TP63: variants seen among roughly 807,000 people sequenced by gnomAD.
The protein encoded by TP63 is tumor protein 63.
Under a neutral mutation model 82.8 loss-of-function variants are expected in TP63, and 17 were observed. The ratio of observed to expected loss-of-function variants is 0.21; its 90% CI spans 0.14 to 0.31. TP63 has a LOEUF of 0.31. Among genes scored for constraint, TP63 ranks in the 10% least tolerant of loss-of-function variants. TP63 has a pLI of 1.00. For synonymous variants in TP63, 330 were observed against 321.7 expected, an observed-to-expected ratio of 1.03 and a Z score of -0.28; for missense variants, 648 against 895.3, an observed-to-expected ratio of 0.72 and a Z score of 3.52.
At chr3:189,639,469 G>T (rs1427866990) in intron 1 of TP63, among the ~76,000 whole-genome samples, 1 of 152,044 alleles carries the variant, frequency 6.6e-6, no homozygotes, top group African/African-American at 2.4e-5. Context: ...CTATCTTATG[G>T]TGAATTAGAT....
intron 5 of TP63, among the ~76,000 whole-genome samples, chr3:189,866,235 A>G (rs1163905657): frequency 1.3e-5 from 2 of 152,214 alleles, no homozygotes; most frequent in African/African-American, 2.4e-5. Context: ...AGTGGAAGTC[A>G]TATCCTTGCT....
chr3:189,643,254 G>A (rs913405325), intron 1 of TP63, among the ~76,000 whole-genome samples: 1 of 152,080 alleles, frequency 6.6e-6, no homozygotes, highest in Admixed American at 6.5e-5. Flanking sequence ...GCCCGCCTCA[G>A]CCTCTCAAAG....
At chr3:189,864,172 G>A (rs1414232681) in intron 4 of TP63, 60 bp from the exon 5 acceptor site, 40 of 1,603,836 alleles carry the variant, frequency 2.5e-5, no homozygotes, top group Non-Finnish European at 3.2e-5. Context: ...GATTTGGAAT[G>A]TAACAATATC....
Position 189,816,209 on chromosome 3 carries a change from G to A in TP63, c.579+7683G>A, listed in dbSNP as rs577281381. Among the ~76,000 whole-genome samples the A allele has an allele frequency of 5.3e-5, 8 of 152,288 alleles. No individual in the cohort carries two copies. The South Asian group carries it at 1.7e-3, about 32-fold the overall frequency. ...GAACAAAAATCATCTGATAATTGAA[G>A]TATAAAGAGAAAATAATGTCATAAG... is the stretch of plus-strand genomic sequence containing the variant. On this transcript the variant is annotated intron_variant, in intron 4 of 13. Transcript: ENST00000264731.
intron 1 of TP63, among the ~76,000 whole-genome samples, chr3:189,674,339 A>T (rs1350903728): frequency 1.3e-5 from 2 of 152,104 alleles, no homozygotes; most frequent in Non-Finnish European, 2.9e-5. Flanking sequence ...GTTTGGGATG[A>T]TGTTCTTAAA....
intron 4 of TP63, among the ~76,000 whole-genome samples, chr3:189,829,710 A>C (rs921941918): frequency 6.6e-6 from 1 of 152,220 alleles, no homozygotes; most frequent in Non-Finnish European, 1.5e-5. Context: ...ATAAAAATTT[A>C]CTTCACTTCT....
chr3:189,661,192 G>T (rs894906415), intron 1 of TP63, among the ~76,000 whole-genome samples: 2 of 151,966 alleles, frequency 1.3e-5, no homozygotes, highest in African/African-American at 4.8e-5. Flanking sequence ...CACTCAGTAT[G>T]ATGTTGGCTG....
At chr3:189,787,521 T>C (rs543110126) in intron 3 of TP63, among the ~76,000 whole-genome samples, 1 of 151,348 alleles carries the variant, frequency 6.6e-6, no homozygotes, top group East Asian at 2.0e-4. Context: ...AGAATCTTTG[T>C]AGATATGTTA....
intron 3 of TP63, among the ~76,000 whole-genome samples, chr3:189,753,482 T>C (rs2108525707): frequency 6.6e-6 from 1 of 152,148 alleles, no homozygotes; most frequent in East Asian, 1.9e-4. Flanking sequence ...AGCTTTCTTT[T>C]GATTTATGTT....
At chr3:189,848,451 T>C (rs1715219376) in intron 4 of TP63, among the ~76,000 whole-genome samples, 1 of 151,816 alleles carries the variant, frequency 6.6e-6, no homozygotes, top group African/African-American at 2.4e-5. Flanking sequence ...ATTCTTGGGT[T>C]CAAGCAATAC....
chr3:189,692,415 CT>C (rs1717006901), intron 1 of TP63, among the ~76,000 whole-genome samples: 1 of 150,312 alleles, frequency 6.7e-6, no homozygotes, highest in African/African-American at 2.5e-5. Flanking sequence ...TTTCTTCTTC[CT>C]CTCTTCTCCT....
intron 1 of TP63, among the ~76,000 whole-genome samples, chr3:189,731,779 T>A (rs549527782): frequency 3.4e-4 from 51 of 152,238 alleles, no homozygotes; most frequent in Non-Finnish European, 8.8e-5. Flanking sequence ...TATCTTTAGG[T>A]GTGACTGACT....
At chr3:189,891,544 C>T (rs1290533632) in intron 13 of TP63, among the ~76,000 whole-genome samples, 1 of 152,180 alleles carries the variant, frequency 6.6e-6, no homozygotes, top group Non-Finnish European at 1.5e-5. Context: ...TCCCAATCAC[C>T]CTTTTTAGTA....
At chr3:189,832,071 C>A (rs1196883216) in intron 4 of TP63, among the ~76,000 whole-genome samples, 1 of 151,962 alleles carries the variant, frequency 6.6e-6, no homozygotes, top group African/African-American at 2.4e-5. Context: ...ACCTCATCAT[C>A]CACCTGCCTT....
chr3:189,648,649 T>A (rs1712624270), intron 1 of TP63, among the ~76,000 whole-genome samples: 1 of 147,364 alleles, frequency 6.8e-6, no homozygotes, highest in African/African-American at 2.5e-5. Context: ...ATTGAGTAAT[T>A]AACTCCAAAT....
At chr3:189,731,000 G>A (rs1158362917) in intron 1 of TP63, among the ~76,000 whole-genome samples, 1 of 152,220 alleles carries the variant, frequency 6.6e-6, no homozygotes, top group Non-Finnish European at 1.5e-5. Context: ...GACAATTCAT[G>A]ACAAGAATTT....
the TP63 span, among the ~76,000 whole-genome samples, chr3:189,601,347 C>T: frequency 2.6e-5 from 4 of 152,234 alleles, no homozygotes; most frequent in African/African-American, 7.2e-5. Flanking sequence ...TTCAGAGAGG[C>T]ATTTCCTCAT....
intron 1 of TP63, among the ~76,000 whole-genome samples, chr3:189,730,326 T>G (rs1720069053): frequency 6.6e-6 from 1 of 152,246 alleles, no homozygotes; most frequent in African/African-American, 2.4e-5. Context: ...ATCATTCACC[T>G]ATCATTACCC....
chr3:189,732,672 G>C (rs1018323863), intron 1 of TP63, among the ~76,000 whole-genome samples: 1 of 152,182 alleles, frequency 6.6e-6, no homozygotes, highest in African/African-American at 2.4e-5. Flanking sequence ...AAGGCATTGA[G>C]TAACTTGGCC....
Sources: gnomAD v4.1 joint callset for allele counts (sites outside exome capture counted in the v4.1 genomes callset) on GRCh38, gnomAD v4.1.1 for gene constraint, MANE v1.5 for transcripts, NCBI Gene and HGNC (gene_info 2026-07-23, HGNC 2026-07-21) for gene names.